The following GABRA3 variants were observed in gnomAD, a reference collection of about 807,000 sequenced individuals.
The protein encoded by GABRA3 is gamma-aminobutyric acid type A receptor subunit alpha3, also known as gamma-aminobutyric acid receptor subunit alpha-3.
A neutral mutation model predicts 30.1 loss-of-function variants in GABRA3; 10 were observed. The observed-to-expected ratio is 0.33, with a 90% confidence interval of 0.20 to 0.56. The LOEUF (loss-of-function observed/expected upper bound fraction) is 0.56. Among genes scored for constraint, GABRA3 ranks in the 20% least tolerant of loss-of-function variants. GABRA3 has a pLI of 0.89. For synonymous variants in GABRA3, 151 were observed against 146.8 expected (o/e 1.03, Z -0.21); for missense variants, 233 against 392.0 (o/e 0.59, Z 3.42).
In GABRA3 at chrX:152,201,332, T is replaced by C. The variant is rs767443117; in HGVS notation, c.779-3547A>G. On this transcript the variant is annotated intron_variant, in intron 7 of 9. Coordinates refer to ENST00000370314, the MANE Select transcript of GABRA3 (RefSeq NM_000808.4). Reference sequence around the variant, plus strand: ...AGCTCATTATGTACCACCTGTGTTGTGTGTGTTGTATATGAAATATTCAAG... The same window carrying C: ...AGCTCATTATGTACCACCTGTGTTGCGTGTGTTGTATATGAAATATTCAAG... 2.6e-4 allele frequency among the ~76,000 whole-genome samples: 27 copies of C among 102,386 alleles called. No homozygotes were observed. In the South Asian group the frequency reaches 0.011, roughly 42 times the overall value. The allele number at this position is 102,386 out of a possible 115,157, so 88.9% of individuals were successfully genotyped here.
chrX:152,357,031 T>C (rs781720859), intron 2 of GABRA3, among the ~76,000 whole-genome samples: 1 of 112,054 alleles, frequency 8.9e-6, no homozygotes, highest in South Asian at 3.7e-4. Context: ...TTTCCTATTA[T>C]GAAGAGTGCT....
At chrX:152,448,748 T>A (rs763167952) in intron 1 of GABRA3, among the ~76,000 whole-genome samples, 16 of 112,123 alleles carry the variant, frequency 1.4e-4, no homozygotes, top group African/African-American at 5.2e-4. Flanking sequence ...GAAAATTTCA[T>A]AATTTTCTTT....
intron 3 of GABRA3, among the ~76,000 whole-genome samples, chrX:152,290,809 A>C (rs1939397699): frequency 1.8e-5 from 2 of 111,933 alleles, no homozygotes; most frequent in Non-Finnish European, 3.8e-5. Context: ...GGTTTGTCAA[A>C]GATCAGATAG....
intron 9 of GABRA3, among the ~76,000 whole-genome samples, chrX:152,179,279 C>G (rs1032140797): frequency 9.0e-6 from 1 of 111,576 alleles, no homozygotes. Context: ...TGCATTGCCT[C>G]ACAGTTATCA....
At chrX:152,343,369 G>C (rs1159124773) in intron 3 of GABRA3, among the ~76,000 whole-genome samples, 3 of 107,069 alleles carry the variant, frequency 2.8e-5, no homozygotes, top group African/African-American at 1.0e-4. Flanking sequence ...TTTCTTTGTG[G>C]TTGTTTAAGA....
chrX:152,241,282 TG>T lies in GABRA3; in HGVS notation c.551+14495del, dbSNP rs1478390438. On this transcript the variant is annotated intron_variant, in intron 5 of 9. Transcript: ENST00000370314. ...GTGTGAGGTGTCAGTGTGCCCCTGC[TG>T]GGGGGTGCCTCCCAGTTAGGCTGCT... 3.1e-3 allele frequency among the ~76,000 whole-genome samples: 280 copies of T among 89,649 alleles called. 9 individuals carry two copies. Among genetic ancestry groups the T allele is most frequent in the Admixed American group, 0.025 (219 of 8,622 alleles). The allele number at this position is 89,649 out of a possible 115,157, so 77.8% of individuals were successfully genotyped here. A position where few individuals can be genotyped will look rare whatever the true frequency, so the allele number is the denominator to read the frequency against.
chrX:152,343,977 G>C (rs748227841), intron 3 of GABRA3, among the ~76,000 whole-genome samples: 1 of 111,313 alleles, frequency 9.0e-6, no homozygotes, highest in African/African-American at 3.3e-5. Context: ...GTGTGTATAT[G>C]TGTGAGTGTG....
At chrX:152,427,554 C>T (rs1569423032) in intron 1 of GABRA3, among the ~76,000 whole-genome samples, 3 of 111,939 alleles carry the variant, frequency 2.7e-5, no homozygotes, top group Non-Finnish European at 3.8e-5. Context: ...CCTAGGTCTG[C>T]TTTTTAATTT....
At chrX:152,178,013 G>T (rs926926713) in intron 9 of GABRA3, among the ~76,000 whole-genome samples, 1 of 111,425 alleles carries the variant, frequency 9.0e-6, no homozygotes, top group African/African-American at 3.3e-5. Context: ...GATTTTTTAG[G>T]AAACAGTCAA....
intron 3 of GABRA3, among the ~76,000 whole-genome samples, chrX:152,319,117 G>A (rs1430558618): frequency 9.0e-6 from 1 of 111,610 alleles, no homozygotes; most frequent in African/African-American, 3.3e-5. Flanking sequence ...GCTTATAGAT[G>A]GGTAGAATCA....
intron 5 of GABRA3, among the ~76,000 whole-genome samples, chrX:152,244,773 C>T (rs1390999772): frequency 9.0e-6 from 1 of 111,343 alleles, no homozygotes; most frequent in African/African-American, 3.3e-5. Context: ...ATCCAGAATA[C>T]TGCGGAGCTA....
chrX:152,262,517 C>T (rs747425991), intron 4 of GABRA3, among the ~76,000 whole-genome samples: 1 of 111,921 alleles, frequency 8.9e-6, no homozygotes, highest in East Asian at 2.8e-4. Flanking sequence ...AAAATTTCAC[C>T]GGTCTCTTTG....
At chrX:152,295,908 G>T (rs1939520960) in intron 3 of GABRA3, among the ~76,000 whole-genome samples, 1 of 111,893 alleles carries the variant, frequency 8.9e-6, no homozygotes, top group African/African-American at 3.2e-5. Context: ...CTCTGGCTCA[G>T]GTCAGATTTG....
chrX:152,235,997 A>ATT (rs55643701), intron 5 of GABRA3, among the ~76,000 whole-genome samples: 6 of 91,434 alleles, frequency 6.6e-5, no homozygotes, highest in African/African-American at 2.4e-4. Flanking sequence ...TTTTTTTTTA[A>ATT]TTTTTTTTTA....
intron 3 of GABRA3, among the ~76,000 whole-genome samples, chrX:152,290,360 G>GT (rs747108016): frequency 1.3e-4 from 14 of 110,367 alleles, no homozygotes; most frequent in Admixed American, 1.9e-4. Context: ...TGATGGGGTT[G>GT]TTTGTTTTTT....
At chrX:152,296,067 C>A (rs1030300127) in intron 3 of GABRA3, among the ~76,000 whole-genome samples, 3 of 112,337 alleles carry the variant, frequency 2.7e-5, no homozygotes, top group Non-Finnish European at 5.6e-5. Flanking sequence ...CAATGCCATT[C>A]TAAGGATAGT....
At position 152,364,593 on chromosome X, in the gene GABRA3, A is replaced by G. The variant is rs1462667747; in HGVS notation, c.-23T>C. 2.5e-6 allele frequency: 3 copies of G among 1,180,198 alleles called. No homozygotes were observed. The highest frequency in any genetic ancestry group is 2.4e-4 in the Middle Eastern group (1 of 4,175). ...CATCTTCTTAGGCACAAACTTGGAG[A>G]GACCTGTGAGATTCACAGTTTAGAT... On this transcript the variant is annotated 5_prime_UTR_variant, in exon 2 of 10. Transcript: ENST00000370314.
Position 152,277,104 on chromosome X carries a change from A to C in GABRA3, c.330+7564T>G, listed in dbSNP as rs190816463. On this transcript the variant is annotated intron_variant, in intron 4 of 9. Transcript: ENST00000370314. ...AGAGAAATTGACAGCCTAAAATAGA[A>C]AAAGGTTTTCATCCAGTCTGTGCCT... Among the ~76,000 whole-genome samples the C allele has an allele frequency of 2.3e-3, 260 of 111,887 alleles. 1 individual carries two copies. Among genetic ancestry groups the C allele is most frequent in the Non-Finnish European group, 3.7e-3 (198 of 53,131 alleles).
chrX:152,371,369 A>G, intron 1 of GABRA3, among the ~76,000 whole-genome samples: 1 of 111,572 alleles, frequency 9.0e-6, no homozygotes, highest in Non-Finnish European at 1.9e-5. Context: ...CCAACCTACC[A>G]GAATGTCAGC....
Sources: gnomAD v4.1 joint callset for allele counts (sites outside exome capture counted in the v4.1 genomes callset) on GRCh38, gnomAD v4.1.1 for gene constraint, MANE v1.5 for transcripts, NCBI Gene and HGNC (gene_info 2026-07-23, HGNC 2026-07-21) for gene names.